Variants in PIEZO1 observed in about 807,000 individuals in gnomAD.
PIEZO1 encodes piezo type mechanosensitive ion channel component 1 (Er blood group).
In PIEZO1, 296 loss-of-function variants were observed where a neutral mutation model predicts 297.2. The ratio of observed to expected loss-of-function variants is 1.00; its 90% CI spans 0.91 to 1.10. The LOEUF (loss-of-function observed/expected upper bound fraction) is 1.10. PIEZO1 is among the 50% of genes least tolerant of loss of function. The pLI is 0.00. For synonymous variants in PIEZO1, 2,427 were observed against 1,507.5 expected, an observed-to-expected ratio of 1.61 and a Z score of -14.13; for missense variants, 5,018 against 3,455.5, an observed-to-expected ratio of 1.45 and a Z score of -11.34.
chr16:88,724,118 C>T (rs1030554456), intron 30 of PIEZO1, 147 bp from the exon 31 acceptor site: 13 of 618,948 alleles, frequency 2.1e-5, no homozygotes, highest in South Asian at 1.1e-4. Flanking sequence ...CAGGCCAGCG[C>T]GGTGGGACAA....
intron 37 of PIEZO1, 26 bp from the exon 38 acceptor site, chr16:88,721,752 G>T: frequency 6.5e-7 from 1 of 1,535,308 alleles, no homozygotes. Context: ...CTCAGCACGC[G>T]GGGAGGGTCA....
At position 88,722,228 on chromosome 16, in the gene PIEZO1, G is replaced by A; in HGVS notation, c.4945C>T (p.Leu1649Phe). 6.5e-7 allele frequency: 1 copy of A among 1,546,776 alleles called. No homozygotes were observed. Among genetic ancestry groups the A allele is most frequent in the South Asian group, 1.2e-5 (1 of 83,998 alleles). The change falls in exon 36 of 51, where the codon CTC becomes TTC. Residue 1649 changes from leucine to phenylalanine, a missense_variant. Coordinates refer to ENST00000301015, the MANE Select transcript of PIEZO1 (RefSeq NM_001142864.4). The stretch of plus-strand genomic sequence containing the variant: ...GCGTCCCGCCCCCACCTGTCCAGGA[G>A]CAGCTCGCTGGCCGTCCGCATCAGT... Reference protein sequence around the residue: ...QGLMRTASELLLDRRLRIPEL... With the variant: ...QGLMRTASELFLDRRLRIPEL...
At chr16:88,731,523 G>A (rs979355202) in intron 22 of PIEZO1, 183 bp downstream of exon 22, 29 of 588,442 alleles carry the variant, frequency 4.9e-5, no homozygotes, top group African/African-American at 1.5e-4. Context: ...GGGCCAGGCC[G>A]CCCCCGAGAG....
At chr16:88,731,658 T>A in intron 22 of PIEZO1, 48 bp downstream of exon 22, 1 of 1,460,934 alleles carries the variant, frequency 6.8e-7, no homozygotes, top group Non-Finnish European at 9.3e-7. Context: ...CCCACGGGCA[T>A]CCACAAAGCC....
chr16:88,742,041 G>T lies in PIEZO1; in HGVS notation c.326+12C>A, dbSNP rs1218244834. 1 of 1,535,916 alleles carries T rather than the reference G, an allele frequency of 6.5e-7. No individual in the cohort carries two copies. The highest frequency in any genetic ancestry group is 2.0e-5 in the Admixed American group (1 of 50,968). ...GAGGCTTGCTGGTTGGGGGTGGGAGGAATGGTCTTACCTTGTGACCCCTAT... is the reference window on the plus strand; with the variant it reads ...GAGGCTTGCTGGTTGGGGGTGGGAGTAATGGTCTTACCTTGTGACCCCTAT... On this transcript the variant is annotated intron_variant, in intron 4 of 50. Transcript: ENST00000301015.
In PIEZO1 at chr16:88,721,974, A is replaced by C; in HGVS notation, c.5048T>G (p.Val1683Gly). The C allele has an allele frequency of 1.3e-6, 2 of 1,549,960 alleles. No homozygotes were observed. The change falls in exon 37 of 51, where the codon GTG becomes GGG. Residue 1683 changes from valine (V) to glycine (G), a missense_variant. Coordinates refer to ENST00000301015, the MANE Select transcript of PIEZO1 (RefSeq NM_001142864.4). The part of the protein sequence containing the change: ...LRLLRAVYQC[V>G]AAHSELLCYF... ...GCAGAGCAGCTCCGAGTGGGCGGCCACACACTGGTACACGGCCCGCAGCAG... is the reference window on the plus strand; with the variant it reads ...GCAGAGCAGCTCCGAGTGGGCGGCCCCACACTGGTACACGGCCCGCAGCAG...
At position 88,719,959 on chromosome 16, in the gene PIEZO1, T is replaced by C. The variant is rs955154214; in HGVS notation, c.6166A>G (p.Met2056Val). ...FFILPAVTERMFNQNVVAQLW... is the reference protein window; with the variant it reads ...FFILPAVTERVFNQNVVAQLW... Reference sequence around the variant, plus strand: ...TGGGCCACCACATTCTGGTTGAACATCCTGGGGCGGGATGGCCAGGTCAAG... The same window carrying C: ...TGGGCCACCACATTCTGGTTGAACACCCTGGGGCGGGATGGCCAGGTCAAG... The change falls in exon 43 of 51, where the codon ATG becomes GTG. Residue 2056 changes from methionine (M) to valine (V), a missense_variant and splice_region_variant. Met to Val is a conservative substitution (Grantham distance 21). Transcript: ENST00000301015. The C allele has an allele frequency of 6.5e-7, 1 of 1,550,052 alleles. No homozygotes were observed. Among genetic ancestry groups the C allele is most frequent in the African/African-American group, 1.4e-5 (1 of 73,012 alleles).
intron 1 of PIEZO1, among the ~76,000 whole-genome samples, chr16:88,769,681 G>A (rs993754495): frequency 1.3e-5 from 2 of 152,278 alleles, no homozygotes; most frequent in Admixed American, 6.5e-5. Flanking sequence ...AGAGGACCCC[G>A]GGCCTGGCTG....
chr16:88,783,636 G>A (rs573277574), intron 1 of PIEZO1, among the ~76,000 whole-genome samples: 16 of 152,272 alleles, frequency 1.1e-4, no homozygotes, highest in East Asian at 5.8e-4. Context: ...CCCTGTTTAC[G>A]GCCCATCTGA....
At chr16:88,738,205 G>A in intron 7 of PIEZO1, 22 bp downstream of exon 7, 4 of 1,534,732 alleles carry the variant, frequency 2.6e-6, no homozygotes, top group Non-Finnish European at 3.5e-6. Context: ...CAGGAAAAAG[G>A]GGCTGTGTGG....
At chr16:88,751,450 C>T (rs1050222276) in intron 1 of PIEZO1, among the ~76,000 whole-genome samples, 6 of 152,222 alleles carry the variant, frequency 3.9e-5, no homozygotes, top group East Asian at 1.9e-4. Context: ...GAATCGCGCT[C>T]GGCGCTGCTA....
Position 88,721,884 on chromosome 16 carries a change from A to C in PIEZO1, c.5138T>G (p.Leu1713Arg). The C allele has an allele frequency of 3.9e-6, 6 of 1,550,016 alleles. No homozygotes were observed. Among genetic ancestry groups the C allele is most frequent in the Non-Finnish European group, 4.4e-6 (5 of 1,146,760 alleles). Residue 1713 changes from leucine (L) to arginine (R), a missense_variant, in exon 37 of 51, where the codon CTC becomes CGC. Transcript: ENST00000301015. ...ASAGSLVLPV[L>R]VFLWAMLSIP... ...CGACAGCATGGCCCACAGGAAGACG[A>C]GCACGGGCAGCACCAGCGAGCCGGC... is the stretch of plus-strand genomic sequence containing the variant.
intron 39 of PIEZO1, among the ~76,000 whole-genome samples, 181 bp downstream of exon 39, chr16:88,720,985 G>A (rs1381630918): frequency 2.0e-5 from 3 of 152,156 alleles, no homozygotes; most frequent in African/African-American, 7.2e-5. Context: ...ATCCCCGGGG[G>A]CAGCAGTCAG....
At chr16:88,725,557 G>GCTAGGA in intron 28 of PIEZO1, 38 bp from the exon 29 acceptor site, 1 of 1,533,054 alleles carries the variant, frequency 6.5e-7, no homozygotes, top group Non-Finnish European at 8.8e-7. Flanking sequence ...GAGCATTGGG[G>GCTAGGA]GGAGGAGCCG....
Position 88,720,058 on chromosome 16 carries a change from C to A in PIEZO1, c.6164+11G>T. 6.5e-7 allele frequency: 1 copy of A among 1,550,076 alleles called. No individual in the cohort carries two copies. The highest frequency in any genetic ancestry group is 8.7e-7 in the Non-Finnish European group (1 of 1,146,790). On this transcript the variant is annotated intron_variant, in intron 42 of 50. Transcript: ENST00000301015. ...CCCCTGGAGACCGAGCGCCCCCACGCGTGGGCCCACCTCTCAGTGACGGCG... is the reference window on the plus strand; with the variant it reads ...CCCCTGGAGACCGAGCGCCCCCACGAGTGGGCCCACCTCTCAGTGACGGCG...
chr16:88,755,502 C>G (rs897323456), intron 1 of PIEZO1, among the ~76,000 whole-genome samples: 6 of 152,228 alleles, frequency 3.9e-5, no homozygotes, highest in Non-Finnish European at 5.9e-5. Flanking sequence ...GGGCACGATA[C>G]GAGCCCCAGA....
At position 88,720,689 on chromosome 16, in the gene PIEZO1, C is replaced by T. The variant is rs200929552; in HGVS notation, c.5728G>A (p.Glu1910Lys). 2.3e-3 allele frequency: 3,567 copies of T among 1,542,852 alleles called. 10 individuals carry two copies. Among genetic ancestry groups the T allele is most frequent in the Admixed American group, 2.8e-3 (139 of 49,438 alleles). Residue 1910 changes from glutamate to lysine, a missense_variant, in exon 40 of 51, where the codon GAG becomes AAG. By Grantham distance (56) the Glu-to-Lys change is moderately conservative. Coordinates refer to ENST00000301015, the MANE Select transcript of PIEZO1 (RefSeq NM_001142864.4). ...CCTCCAGAGCGGCTTGGCCTCTTCT[C>T]TCTCCCCGTGGGGGCCTCTTTCTCT... ...EEEKEAPTGR[E>K]KRPSRSGGRV...
At position 88,723,842 on chromosome 16, in the gene PIEZO1, G is replaced by A. The variant is rs549731556; in HGVS notation, c.4335+29C>T. 59 of 1,198,086 alleles carry A rather than the reference G, an allele frequency of 4.9e-5. No individual in the cohort carries two copies. The African/African-American group carries it at 8.1e-4, about 16-fold the overall frequency. The allele number at this position is 1,198,086 out of a possible 1,614,324, so 74.2% of individuals were successfully genotyped here. On this transcript the variant is annotated intron_variant, in intron 31 of 50. Coordinates refer to ENST00000301015, the MANE Select transcript of PIEZO1 (RefSeq NM_001142864.4). ...CAGGACCACAAGCTCTGTGGTTGGA[G>A]TGGGGCCGACGGGGCTCTCCCACCT...
chr16:88,716,737 T>C lies in PIEZO1; in HGVS notation c.6754-6A>G, dbSNP rs1281251395. 1 of 1,548,118 alleles carries C rather than the reference T, an allele frequency of 6.5e-7. No homozygotes were observed. The highest frequency in any genetic ancestry group is 2.0e-5 in the Admixed American group (1 of 51,008). On this transcript the variant is annotated splice_region_variant and splice_polypyrimidine_tract_variant and intron_variant, in intron 46 of 50. Coordinates refer to ENST00000301015, the MANE Select transcript of PIEZO1 (RefSeq NM_001142864.4). ...CTGATGAACTGCATGGCCAGCTGGG[T>C]ACAAGTGACACCCTCAGTGACTGCA...
Sources: allele counts gnomAD v4.1 joint callset (sites outside exome capture counted in the v4.1 genomes callset), GRCh38; gene constraint gnomAD v4.1.1; transcripts MANE v1.5; gene names NCBI Gene and HGNC (gene_info 2026-07-23, HGNC 2026-07-21).